PIGN: variants seen among roughly 807,000 people sequenced by gnomAD.
PIGN encodes the protein GPI ethanolamine phosphate transferase 1.
In PIGN, 117 loss-of-function variants were observed where a neutral mutation model predicts 125.4. The observed-to-expected ratio is 0.93, with a 90% CI of 0.80 to 1.09. The LOEUF (loss-of-function observed/expected upper bound fraction) is 1.09. Among genes scored for constraint, PIGN ranks in the 50% least tolerant of loss-of-function variants. The pLI, the probability that PIGN is intolerant of heterozygous loss-of-function variation, is 0.00. For synonymous variants in PIGN, 392 were observed against 377.8 expected (o/e 1.04, Z -0.44); for missense variants, 1,075 against 1,094.9 (o/e 0.98, Z 0.26).
intron 23 of PIGN, among the ~76,000 whole-genome samples, chr18:62,033,543 CAT>C (rs1333568968): frequency 1.3e-5 from 2 of 152,212 alleles, no homozygotes; most frequent in African/African-American, 2.4e-5. Context: ...TGCCTACAAA[CAT>C]GTGATCAATG....
Position 62,110,277 on chromosome 18 carries a change from G to A in PIGN, c.1435-304C>T, listed in dbSNP as rs556455340. The A allele has an allele frequency of 1.5e-3, 194 of 131,840 alleles. 5 individuals carry two copies. The East Asian group carries it at 0.021, about 14-fold the overall frequency. 8.2% of individuals were successfully genotyped at this position (131,840 alleles called of 1,614,324 possible). On this transcript the variant is annotated intron_variant, in intron 16 of 30. Transcript: ENST00000640252. ...AGAATTCTGAACATGTTTCCTTTTA[G>A]GAATATTTTATAAATGTTGATTGAG...
chr18:62,028,439 C>T (rs181724915), intron 23 of PIGN, among the ~76,000 whole-genome samples: 84 of 152,256 alleles, frequency 5.5e-4, no homozygotes, highest in Admixed American at 1.1e-3. Context: ...AAACAAGAAG[C>T]CTTTAAAAAT....
intron 16 of PIGN, among the ~76,000 whole-genome samples, chr18:62,112,110 A>T (rs924405400): frequency 1.8e-4 from 28 of 152,168 alleles, no homozygotes; most frequent in Non-Finnish European, 1.5e-4. Flanking sequence ...AACATAAATT[A>T]TGTCTACTTC....
At position 62,050,896 on chromosome 18, in the gene PIGN, A is replaced by G. The variant is rs575415249; in HGVS notation, c.2673-4917T>C. Among the ~76,000 whole-genome samples the G allele has an allele frequency of 4.8e-3, 728 of 151,184 alleles. 9 individuals are homozygous for G. Among genetic ancestry groups the G allele is most frequent in the African/African-American group, 0.017 (695 of 41,294 alleles). On this transcript the variant is annotated intron_variant, in intron 30 of 30. Coordinates refer to ENST00000640252, the MANE Select transcript of PIGN (RefSeq NM_176787.5). ...TCCCATCAATACCTAATTTATTAAG[A>G]GTTTTTAGCATGAACGGTTGTTGAA...
At position 62,138,290 on chromosome 18, in the gene PIGN, C is replaced by A. The variant is rs1239944311; in HGVS notation, c.1125G>T (p.Met375Ile). ...GTAAAGTAACTTCTTTCTTCTGAGT[C>A]ATTTTCACCTGGGAACCAAGTATGA... ...VQILEQFKVK[M>I]TQKKEVTLPF... The change falls in exon 14 of 31, where the codon ATG becomes ATT. Residue 375 changes from methionine (M) to isoleucine (I), a missense_variant. By Grantham distance (10) the Met-to-Ile change is conservative. This residue lies in a region of PIGN where 915 missense variants were observed against 908.7 expected (regional missense o/e 1.01). Transcript: ENST00000640252. 6.5e-7 allele frequency: 1 copy of A among 1,543,654 alleles called. No homozygotes were observed. The highest frequency in any genetic ancestry group is 1.2e-5 in the South Asian group (1 of 81,590).
intron 14 of PIGN, 90 bp from the exon 15 acceptor site, chr18:62,114,729 G>C: frequency 1.7e-6 from 1 of 572,088 alleles, no homozygotes; most frequent in Non-Finnish European, 2.8e-6. Context: ...CAAAGATAGT[G>C]AAAATTACAA....
At chr18:62,058,798 A>G (rs1317617836) in intron 30 of PIGN, 3 of 152,276 alleles carry the variant, frequency 2.0e-5, no homozygotes, top group African/African-American at 7.2e-5. Context: ...CAGAACTCTA[A>G]GGCTGACTCA....
At chr18:62,079,405 T>C (rs2033340224) in intron 28 of PIGN, among the ~76,000 whole-genome samples, 1 of 152,226 alleles carries the variant, frequency 6.6e-6, no homozygotes, top group Non-Finnish European at 1.5e-5. Flanking sequence ...CCCTATGTAC[T>C]GAATGAATAG....
At chr18:62,154,820 T>C (rs2036664463) in intron 6 of PIGN, among the ~76,000 whole-genome samples, 169 bp from the exon 7 acceptor site, 1 of 152,204 alleles carries the variant, frequency 6.6e-6, no homozygotes, top group African/African-American at 2.4e-5. Context: ...TTTATTTATG[T>C]TATGTGCTAT....
At chr18:62,146,086 A>G (rs183440357) in intron 9 of PIGN, 61 bp from the exon 10 acceptor site, 13 of 693,828 alleles carry the variant, frequency 1.9e-5, no homozygotes, top group Non-Finnish European at 2.8e-5. Context: ...ACAACTAAAT[A>G]TTTTTTAAAA....
intron 7 of PIGN, chr18:62,153,364 T>G (rs1417338482): frequency 6.6e-6 from 1 of 152,176 alleles, no homozygotes; most frequent in Non-Finnish European, 1.5e-5. Context: ...GTGCAAATCT[T>G]TTTTTCTGTT....
intron 14 of PIGN, among the ~76,000 whole-genome samples, chr18:62,119,369 T>C (rs932338547): frequency 6.6e-6 from 1 of 152,226 alleles, no homozygotes; most frequent in Admixed American, 6.5e-5. Flanking sequence ...TAATTATGGT[T>C]AATATGTCAA....
intron 12 of PIGN, among the ~76,000 whole-genome samples, chr18:62,139,364 C>CA (rs1197037962): frequency 2.6e-5 from 4 of 152,154 alleles, no homozygotes; most frequent in Admixed American, 6.5e-5. Context: ...GCTTCACGCA[C>CA]AAAAAACAAT....
Position 62,101,102 on chromosome 18 carries a change from T to A in PIGN, c.2050A>T (p.Asn684Tyr). 6.2e-7 allele frequency: 1 copy of A among 1,609,070 alleles called. No individual in the cohort carries two copies. The highest frequency in any genetic ancestry group is 1.3e-5 in the African/African-American group (1 of 74,984). The change falls in exon 22 of 31, where the codon AAT becomes TAT. Residue 684 changes from asparagine to tyrosine, a missense_variant. Around this residue, in one of 3 missense-constraint regions of PIGN, gnomAD observed 915 missense variants for 908.7 expected, o/e 1.01. Transcript: ENST00000640252. ...AATGTTGCCCAGCTAATAATTTGAT[T>A]CATGAGAGGCAGTCCTTGCTTCCTG... is the stretch of plus-strand genomic sequence containing the variant. The part of the protein sequence containing the change: ...LLRKQGLPLM[N>Y]QIISWATLAS...
intron 30 of PIGN, chr18:62,069,591 C>T (rs2032722401): frequency 6.6e-6 from 1 of 152,130 alleles, no homozygotes; most frequent in African/African-American, 2.4e-5. Context: ...AAGTCAGTTG[C>T]AAGAAAGACA....
chr18:62,161,148 C>A lies in PIGN; in HGVS notation c.206G>T (p.Arg69Ile). ...ACATGCTTACCTAATAAACGGTGCT[C>A]TAGAGTTTCCATTTTCATCTAATTC... is the stretch of plus-strand genomic sequence containing the variant. The part of the protein sequence containing the change: ...LYELDENGNS[R>I]APFIRNIIMH... The change falls in exon 4 of 31, where the codon AGA becomes ATA. Residue 69 changes from arginine (R) to isoleucine (I), a missense_variant. By Grantham distance (97) the Arg-to-Ile change is moderately conservative. Coordinates refer to ENST00000640252, the MANE Select transcript of PIGN (RefSeq NM_176787.5). The A allele has an allele frequency of 6.2e-7, 1 of 1,611,134 alleles. No homozygotes were observed. The highest frequency in any genetic ancestry group is 1.1e-5 in the South Asian group (1 of 90,942).
At chr18:62,104,128 T>C (rs2034549688) in intron 20 of PIGN, among the ~76,000 whole-genome samples, 1 of 152,124 alleles carries the variant, frequency 6.6e-6, no homozygotes, top group African/African-American at 2.4e-5. Context: ...TCAAAATAAA[T>C]AAGTTGCAAA....
intron 14 of PIGN, among the ~76,000 whole-genome samples, chr18:62,129,430 G>A (rs531028284): frequency 1.1e-4 from 16 of 152,264 alleles, no homozygotes; most frequent in Admixed American, 3.3e-4. Flanking sequence ...GACTTCTTGC[G>A]TCTCCATCTC....
At chr18:62,181,912 G>C (rs1007484802) in intron 1 of PIGN, among the ~76,000 whole-genome samples, 2 of 152,040 alleles carry the variant, frequency 1.3e-5, no homozygotes, top group East Asian at 3.9e-4. Context: ...TTTTAGTAGA[G>C]ACAGGGTTTC....
Sources: allele counts gnomAD v4.1 joint callset (sites outside exome capture counted in the v4.1 genomes callset), GRCh38; gene constraint gnomAD v4.1.1; regional missense constraint gnomAD v4.1.1; transcripts MANE v1.5; gene names NCBI Gene and HGNC (gene_info 2026-07-23, HGNC 2026-07-21).